The following RAP1B variants were observed in gnomAD, a reference collection of about 807,000 sequenced individuals.
RAP1B encodes the protein RAP1B, member of RAS oncogene family, also known as ras-related protein Rap-1b.
Under a neutral mutation model 27.5 loss-of-function variants are expected in RAP1B, and 1 was observed. That is an observed-to-expected ratio of 0.04 (90% CI 0.01 to 0.17). The LOEUF is 0.17. Among genes scored for constraint, RAP1B ranks in the 10% least tolerant of loss-of-function variants. The pLI is 1.00. For missense variants in RAP1B, 84 were observed against 214.8 expected, an observed-to-expected ratio of 0.39 and a Z score of 3.81; for synonymous variants, 75 against 73.1, an observed-to-expected ratio of 1.03 and a Z score of -0.13.
intron 1 of RAP1B, chr12:68,627,098 G>A: frequency 6.3e-7 from 1 of 1,591,862 alleles, no homozygotes; most frequent in Non-Finnish European, 8.5e-7. Context: ...GCAGCTTGGT[G>A]TGAATGGAGA....
chr12:68,657,273 T>C, intron 7 of RAP1B, 56 bp downstream of exon 7: 1 of 1,128,156 alleles, frequency 8.9e-7, no homozygotes, highest in Middle Eastern at 2.0e-4. Context: ...TTAAGGGCAC[T>C]CTGTCATGAA....
intron 1 of RAP1B, among the ~76,000 whole-genome samples, chr12:68,634,135 A>G (rs896144697): frequency 3.3e-5 from 5 of 152,202 alleles, no homozygotes; most frequent in African/African-American, 1.2e-4. Flanking sequence ...ATGCTATTGA[A>G]GTCCTTTAGG....
At chr12:68,640,834 A>G (rs1219961227) in intron 1 of RAP1B, among the ~76,000 whole-genome samples, 3 of 152,172 alleles carry the variant, frequency 2.0e-5, no homozygotes, top group Admixed American at 6.5e-5. Flanking sequence ...TTAGACAAAA[A>G]AAAAGCTACC....
In RAP1B at chr12:68,648,686, TTC is replaced by T; in HGVS notation, c.-26-12_-26-11del. ...TTTACTTAGAATTCTTTTTTTTTTT[TTC>T]CTTTAATAAGGTACTAGGTTTTGAC... On this transcript the variant is annotated splice_polypyrimidine_tract_variant and intron_variant, in intron 1 of 7. Transcript: ENST00000250559. The T allele has an allele frequency of 1.3e-6, 2 of 1,584,828 alleles. No homozygotes were observed. The highest frequency in any genetic ancestry group is 1.1e-5 in the South Asian group (1 of 88,120).
chr12:68,630,542 T>C (rs1206295950), intron 1 of RAP1B, among the ~76,000 whole-genome samples: 1 of 152,212 alleles, frequency 6.6e-6, no homozygotes, highest in Non-Finnish European at 1.5e-5. Flanking sequence ...TCTTCCATAT[T>C]CCAGGCACTG....
intron 1 of RAP1B, among the ~76,000 whole-genome samples, chr12:68,620,693 C>T (rs868710515): frequency 2.6e-5 from 4 of 151,954 alleles, no homozygotes; most frequent in East Asian, 1.9e-4. Context: ...CTCGACCTCC[C>T]GGGCTCAGTT....
intron 6 of RAP1B, 39 bp downstream of exon 6, chr12:68,656,488 G>A: frequency 1.9e-6 from 3 of 1,561,910 alleles, no homozygotes; most frequent in Non-Finnish European, 2.6e-6. Flanking sequence ...TTCATTTGAA[G>A]TACAACATTG....
intron 7 of RAP1B, 147 bp from the exon 8 acceptor site, chr12:68,659,133 G>A (rs1220727507): frequency 2.7e-6 from 1 of 367,612 alleles, no homozygotes; most frequent in African/African-American, 2.1e-5. Flanking sequence ...CGTGAATTGT[G>A]GTATGTTGCC....
At position 68,661,564 on chromosome 12, in the gene RAP1B, GTTT is replaced by G. The variant is rs1874595601; in HGVS notation, c.*2316_*2318del. ...AGCCTCAGCACTATTGATGTTTTAT[GTTT>G]GATAATGTATTCTGGCGACTCTCCT... is the stretch of plus-strand genomic sequence containing the variant. On this transcript the variant is annotated 3_prime_UTR_variant, in exon 8 of 8. Coordinates refer to ENST00000250559, the MANE Select transcript of RAP1B (RefSeq NM_001010942.3). 1.3e-5 allele frequency: 2 copies of G among 152,050 alleles called. No homozygotes were observed. Among genetic ancestry groups the G allele is most frequent in the South Asian group, 4.2e-4 (2 of 4,816 alleles). The allele number at this position is 152,050 out of a possible 1,614,324, so 9.4% of individuals were successfully genotyped here.
intron 5 of RAP1B, 33 bp from the exon 6 acceptor site, chr12:68,656,273 T>C (rs944470517): frequency 1.9e-6 from 3 of 1,551,240 alleles, no homozygotes; most frequent in Admixed American, 3.4e-5. Context: ...CATATTTACT[T>C]ATTTATTTTT....
chr12:68,635,714 C>T (rs1417099189), intron 1 of RAP1B, among the ~76,000 whole-genome samples: 1 of 152,104 alleles, frequency 6.6e-6, no homozygotes, highest in African/African-American at 2.4e-5. Flanking sequence ...CTCGGCCTCC[C>T]AAAGTGCTGG....
At chr12:68,634,783 A>G (rs2135939267) in intron 1 of RAP1B, among the ~76,000 whole-genome samples, 1 of 152,320 alleles carries the variant, frequency 6.6e-6, no homozygotes, top group Admixed American at 6.5e-5. Context: ...AGGTAACTAT[A>G]GAAATAAAGC....
At chr12:68,632,083 C>CA (rs1311049045) in intron 1 of RAP1B, among the ~76,000 whole-genome samples, 1 of 147,078 alleles carries the variant, frequency 6.8e-6, no homozygotes, top group Non-Finnish European at 1.5e-5. Context: ...AAAGAATAAA[C>CA]ACATAAAATG....
At chr12:68,625,876 C>G (rs112776045) in intron 1 of RAP1B, among the ~76,000 whole-genome samples, 1 of 151,268 alleles carries the variant, frequency 6.6e-6, no homozygotes, top group Non-Finnish European at 1.5e-5. Flanking sequence ...GAGCCAAGAT[C>G]GTGCCGCTGC....
At chr12:68,625,861 G>A (rs766385356) in intron 1 of RAP1B, among the ~76,000 whole-genome samples, 3 of 151,882 alleles carry the variant, frequency 2.0e-5, no homozygotes, top group Non-Finnish European at 2.9e-5. Context: ...GGCAGATGTT[G>A]CAGTGAGCCA....
chr12:68,655,728 G>T lies in RAP1B; in HGVS notation c.325-578G>T, dbSNP rs967241628. On this transcript the variant is annotated intron_variant, in intron 5 of 7. Coordinates refer to ENST00000250559, the MANE Select transcript of RAP1B (RefSeq NM_001010942.3). ...TTTTTGTGTTTTTAGTAGAAACAGG[G>T]TTTCGCCATGTTGGCCAGGCTGGTC... Among the ~76,000 whole-genome samples, 7 of 152,092 alleles carry T rather than the reference G, an allele frequency of 4.6e-5. No homozygotes were observed. In the East Asian group the frequency reaches 9.6e-4, roughly 21 times the overall value.
chr12:68,656,027 T>A (rs1263348046), intron 5 of RAP1B, among the ~76,000 whole-genome samples: 1 of 152,242 alleles, frequency 6.6e-6, no homozygotes, highest in Non-Finnish European at 1.5e-5. Context: ...TCATTTTACT[T>A]AACATATGAG....
intron 1 of RAP1B, among the ~76,000 whole-genome samples, chr12:68,616,853 C>T (rs1871062898): frequency 6.6e-6 from 1 of 152,204 alleles, no homozygotes; most frequent in East Asian, 1.9e-4. Flanking sequence ...GCATGAGCCA[C>T]TGTGCCTGGC....
At chr12:68,630,582 A>G (rs988555212) in intron 1 of RAP1B, among the ~76,000 whole-genome samples, 3 of 152,192 alleles carry the variant, frequency 2.0e-5, no homozygotes, top group African/African-American at 7.2e-5. Flanking sequence ...AGCAATAATC[A>G]TTACACGTAG....
Sources: gnomAD v4.1 joint callset for allele counts (sites outside exome capture counted in the v4.1 genomes callset) on GRCh38, gnomAD v4.1.1 for gene constraint, MANE v1.5 for transcripts, NCBI Gene and HGNC (gene_info 2026-07-23, HGNC 2026-07-21) for gene names.